Variants in MMP16 observed in about 807,000 individuals in gnomAD.
MMP16 encodes the protein matrix metalloproteinase-16.
MMP16 carries 12 observed loss-of-function variants against 67.8 expected under a neutral mutation model. The ratio of observed to expected loss-of-function variants is 0.18; its 90% CI spans 0.11 to 0.29. The LOEUF (loss-of-function observed/expected upper bound fraction) is 0.29, where lower values mean the gene tolerates loss of function less well. MMP16 is among the 10% of genes least tolerant of loss of function. The probability of loss-of-function intolerance (pLI) is 1.00; values close to 1 mark genes in which losing one functional copy is unlikely to be tolerated. For synonymous variants in MMP16, 249 were observed against 255.9 expected (o/e 0.97, Z 0.26); for missense variants, 475 against 765.7 (o/e 0.62, Z 4.48).
At position 88,106,023 on chromosome 8, in the gene MMP16, T is replaced by C. The variant is rs957207192; in HGVS notation, c.1083+10484A>G. ...ATACATATACACACACATGCATATA[T>C]ATACGTGTATATATATTTACACGTT... is the stretch of plus-strand genomic sequence containing the variant. On this transcript the variant is annotated intron_variant, in intron 6 of 9. Coordinates refer to ENST00000286614, the MANE Select transcript of MMP16 (RefSeq NM_005941.5). Among the ~76,000 whole-genome samples, 11 of 144,260 alleles carry C rather than the reference T, an allele frequency of 7.6e-5. 1 individual carries two copies. Among genetic ancestry groups the C allele is most frequent in the Admixed American group, 7.3e-4 (10 of 13,672 alleles). The allele number at this position is 144,260 out of a possible 152,430, so 94.6% of individuals were successfully genotyped here.
At chr8:88,149,165 C>T (rs1034832491) in intron 4 of MMP16, among the ~76,000 whole-genome samples, 1 of 152,228 alleles carries the variant, frequency 6.6e-6, no homozygotes, top group Non-Finnish European at 1.5e-5. Flanking sequence ...GCTTAAAAAA[C>T]GGCGCACCAC....
chr8:88,200,961 C>G (rs970925826), intron 1 of MMP16, among the ~76,000 whole-genome samples: 1 of 151,816 alleles, frequency 6.6e-6, no homozygotes, highest in Non-Finnish European at 1.5e-5. Flanking sequence ...AAAATTCCCT[C>G]TAGCCTTGAA....
intron 1 of MMP16, among the ~76,000 whole-genome samples, chr8:88,238,159 T>C (rs767241067): frequency 6.6e-6 from 1 of 152,190 alleles, no homozygotes; most frequent in Non-Finnish European, 1.5e-5. Context: ...AGGCAAGCAA[T>C]GATCTAGATC....
Position 88,041,423 on chromosome 8 carries a change from A to G in MMP16, c.*38T>C, listed in dbSNP as rs1320146226. Reference sequence around the variant, plus strand: ...TTGTCTTGAATCTCAAGTTACCACAAACTCCTGCAAAAGAAAGAAAGAAGA... The same window carrying G: ...TTGTCTTGAATCTCAAGTTACCACAGACTCCTGCAAAAGAAAGAAAGAAGA... On this transcript the variant is annotated 3_prime_UTR_variant, in exon 10 of 10. Transcript: ENST00000286614. The surrounding 1 kb of genome is among the most constrained non-coding windows in gnomAD (Gnocchi z 6.0). 1 of 1,572,810 alleles carries G rather than the reference A, an allele frequency of 6.4e-7. No homozygotes were observed. Among genetic ancestry groups the G allele is most frequent in the Admixed American group, 1.7e-5 (1 of 57,356 alleles).
intron 2 of MMP16, among the ~76,000 whole-genome samples, chr8:88,192,329 A>G (rs1809182103): frequency 6.6e-6 from 1 of 152,172 alleles, no homozygotes; most frequent in African/African-American, 2.4e-5. Context: ...TATTCACAAG[A>G]TTGAAATGGC....
chr8:88,106,667 T>A (rs554334679), intron 6 of MMP16, among the ~76,000 whole-genome samples: 19 of 151,224 alleles, frequency 1.3e-4, no homozygotes, highest in African/African-American at 3.1e-4. Flanking sequence ...ATAATGAATT[T>A]AAAAAAAACT....
intron 7 of MMP16, chr8:88,069,187 C>T (rs1808508897): frequency 1.1e-5 from 3 of 276,706 alleles, no homozygotes; most frequent in South Asian, 6.6e-5. Flanking sequence ...ACCCTCTGAC[C>T]CATGAATGAG....
chr8:88,115,895 C>A (rs1809419821), intron 6 of MMP16, among the ~76,000 whole-genome samples: 2 of 151,854 alleles, frequency 1.3e-5, no homozygotes, highest in Non-Finnish European at 2.9e-5. Flanking sequence ...AGTATTTTTG[C>A]AAATGTAAAA....
At chr8:88,232,267 T>A (rs142248301) in intron 1 of MMP16, among the ~76,000 whole-genome samples, 49 of 152,276 alleles carry the variant, frequency 3.2e-4, no homozygotes, top group African/African-American at 1.1e-3. Context: ...TTAATTGCAT[T>A]GACTTAACAA....
chr8:88,158,824 T>C (rs566695921), intron 4 of MMP16, among the ~76,000 whole-genome samples: 34 of 152,346 alleles, frequency 2.2e-4, no homozygotes, highest in Non-Finnish European at 4.4e-4. Flanking sequence ...CTTTAATCCA[T>C]CTTCACTTAA....
chr8:88,241,127 T>A (rs1364531090), intron 1 of MMP16, among the ~76,000 whole-genome samples: 2 of 151,796 alleles, frequency 1.3e-5, no homozygotes, highest in East Asian at 3.9e-4. Flanking sequence ...AAAATAGAAC[T>A]GGGATAGTTC....
At chr8:88,059,832 C>T (rs755315544) in intron 7 of MMP16, among the ~76,000 whole-genome samples, 3 of 151,656 alleles carry the variant, frequency 2.0e-5, no homozygotes, top group East Asian at 1.9e-4. Context: ...CCAGAGAACA[C>T]CGAGAGATTT....
At chr8:88,274,924 GATATGTATACAAACTCACATTCATGC>G (rs199943694) in intron 1 of MMP16, among the ~76,000 whole-genome samples, 8,084 of 151,850 alleles carry the variant, frequency 0.053, 359 homozygotes, top group South Asian at 0.11. Context: ...AAGTATCCTG[GATATGTATACAAACTCACATTCATGC>G]ATATGTATAC....
rs34599512 is a variant in MMP16 at position 88,239,294 on chromosome 8, C to CAAAAA, written c.133-41993_133-41989dup. ...TGGGAGACAGAGACAGACGCAGTCT[C>CAAAAA]AAAAAAAAAAAAAAAAAAAAGAAAA... On this transcript the variant is annotated intron_variant, in intron 1 of 9. Coordinates refer to ENST00000286614, the MANE Select transcript of MMP16 (RefSeq NM_005941.5). Among the ~76,000 whole-genome samples the CAAAAA allele has an allele frequency of 2.8e-3, 221 of 80,136 alleles. 7 individuals are homozygous for CAAAAA. The highest frequency in any genetic ancestry group is 3.2e-3 in the Non-Finnish European group (144 of 45,210). 52.6% of individuals were successfully genotyped at this position (80,136 alleles called of 152,430 possible). A position where few individuals can be genotyped will look rare whatever the true frequency, so the allele number is the denominator to read the frequency against.
intron 1 of MMP16, 74 bp from the exon 2 acceptor site, chr8:88,197,380 T>A: frequency 2.3e-6 from 3 of 1,295,008 alleles, no homozygotes; most frequent in Non-Finnish European, 3.1e-6. Context: ...TTAATGTATA[T>A]CTATAATAGA....
At chr8:88,083,026 T>C (rs1378029659) in intron 6 of MMP16, among the ~76,000 whole-genome samples, 2 of 152,012 alleles carry the variant, frequency 1.3e-5, no homozygotes, top group Non-Finnish European at 2.9e-5. Context: ...CATTCAATAA[T>C]TTTATGGTTA....
chr8:88,048,238 T>C (rs1472754726), intron 8 of MMP16, among the ~76,000 whole-genome samples: 1 of 152,126 alleles, frequency 6.6e-6, no homozygotes, highest in East Asian at 1.9e-4. Context: ...GTACTCAGTG[T>C]ATAGACATTA....
chr8:88,322,938 T>G (rs1329124154), intron 1 of MMP16, among the ~76,000 whole-genome samples: 1 of 152,140 alleles, frequency 6.6e-6, no homozygotes, highest in Non-Finnish European at 1.5e-5. Flanking sequence ...TTGTTCTCCT[T>G]ATCATAGCTT....
At chr8:88,195,587 T>A (rs1809236590) in intron 2 of MMP16, among the ~76,000 whole-genome samples, 1 of 152,178 alleles carries the variant, frequency 6.6e-6, no homozygotes, top group Non-Finnish European at 1.5e-5. Context: ...TTTTGCTTGT[T>A]AACTTAAAAC....
Sources: allele counts gnomAD v4.1 joint callset (sites outside exome capture counted in the v4.1 genomes callset), GRCh38; gene constraint gnomAD v4.1.1; non-coding constraint Gnocchi (gnomAD v3.1); transcripts MANE v1.5; gene names NCBI Gene and HGNC (gene_info 2026-07-23, HGNC 2026-07-21).